Variants in SLC25A19 observed in about 807,000 individuals in gnomAD.
SLC25A19 encodes solute carrier family 25 member 19, also known as mitochondrial thiamine pyrophosphate carrier.
A neutral mutation model predicts 27.9 loss-of-function variants in SLC25A19; 18 were observed. The observed-to-expected ratio is 0.64, with a 90% CI of 0.45 to 0.96. SLC25A19 has a LOEUF of 0.96. SLC25A19 is among the 40% of genes least tolerant of loss of function. The probability of loss-of-function intolerance (pLI) is 0.00; values close to 1 mark genes in which losing one functional copy is unlikely to be tolerated. For missense variants in SLC25A19, 371 were observed against 418.3 expected, an observed-to-expected ratio of 0.89 and a Z score of 0.99; for synonymous variants, 169 against 167.1, an observed-to-expected ratio of 1.01 and a Z score of -0.09.
chr17:75,273,914 C>T (rs889600743), intron 7 of SLC25A19: 2 of 393,690 alleles, frequency 5.1e-6, no homozygotes, highest in East Asian at 6.1e-5. Flanking sequence ...GCACACAACA[C>T]CACGCCTGGC....
At chr17:75,275,864 T>G (rs2077872295) in intron 7 of SLC25A19, among the ~76,000 whole-genome samples, 1 of 151,688 alleles carries the variant, frequency 6.6e-6, no homozygotes. Flanking sequence ...CCCAGCTGCT[T>G]GGAGGCCAAG....
intron 7 of SLC25A19, 102 bp downstream of exon 7, chr17:75,277,251 C>T (rs2077913014): frequency 1.3e-6 from 2 of 1,493,576 alleles, no homozygotes; most frequent in Non-Finnish European, 1.8e-6. Context: ...GGGCCATGGC[C>T]AGGGGTGATG....
At chr17:75,278,673 A>G (rs970131209) in intron 5 of SLC25A19, among the ~76,000 whole-genome samples, 2 of 152,128 alleles carry the variant, frequency 1.3e-5, no homozygotes, top group African/African-American at 4.8e-5. Flanking sequence ...ACGAGAGAAT[A>G]GTGCAGCTGT....
intron 7 of SLC25A19, 35 bp downstream of exon 7, chr17:75,277,318 G>A (rs760025667): frequency 1.2e-6 from 2 of 1,609,874 alleles, no homozygotes; most frequent in South Asian, 2.2e-5. Flanking sequence ...TGATGGCAAG[G>A]GTCAGAGCTG....
At chr17:75,288,249 TC>T (rs923434575) in intron 2 of SLC25A19, 1 of 152,160 alleles carries the variant, frequency 6.6e-6, no homozygotes, top group East Asian at 1.9e-4. Context: ...CTCTTCCCCT[TC>T]CCTCATTTAA....
intron 4 of SLC25A19, among the ~76,000 whole-genome samples, chr17:75,284,671 GTCTC>G (rs1203642778): frequency 7.5e-6 from 1 of 133,742 alleles, no homozygotes; most frequent in Non-Finnish European, 1.6e-5. Context: ...GGACAAGAGT[GTCTC>G]TCTGTCACCC....
chr17:75,285,912 G>A (rs1380170139), intron 4 of SLC25A19, among the ~76,000 whole-genome samples: 3 of 152,242 alleles, frequency 2.0e-5, no homozygotes, highest in Non-Finnish European at 4.4e-5. Flanking sequence ...GCCTCGGACA[G>A]CTGACTTCTC....
In SLC25A19 at chr17:75,286,218, C is replaced by T. The variant is rs2306218; in HGVS notation, c.288+86G>A. ...CCTGCCTCTTCCGTCCTGCCCTGCG[C>T]GGCATTCCTGCTTGCCTCACCCTCC... On this transcript the variant is annotated intron_variant, in intron 4 of 7. Transcript: ENST00000416858. 0.69 allele frequency: 1,057,387 copies of T among 1,537,376 alleles called. 377,411 individuals carry two copies. Among genetic ancestry groups the T allele is most frequent in the East Asian group, 0.9 (40,232 of 44,544 alleles).
Position 75,278,366 on chromosome 17 carries a change from C to G in SLC25A19, c.460-31G>C, listed in dbSNP as rs199625492. Reference sequence around the variant, plus strand: ...CACACACACGCACTTTGAATGAGCTCAGTGAAGTGGTTTTAGCCCTGGAAC... The same window carrying G: ...CACACACACGCACTTTGAATGAGCTGAGTGAAGTGGTTTTAGCCCTGGAAC... On this transcript the variant is annotated intron_variant, in intron 5 of 7. Transcript: ENST00000416858. 3.8e-4 allele frequency: 606 copies of G among 1,613,492 alleles called. 2 individuals are homozygous for G. In the African/African-American group the frequency reaches 6.3e-3, roughly 17 times the overall value.
chr17:75,283,518 A>C lies in SLC25A19; in HGVS notation c.364T>G (p.Phe122Val). ...CAGGCAGCCAGGCCACCACATACAA[A>C]GTGCACTGAGAATTCCCGGGCGTCA... ...VYDAREFSVH[F>V]VCGGLAACMA... is the part of the protein sequence containing the mutation. The change falls in exon 5 of 8, where the codon TTT (phenylalanine) becomes GTT (valine). Residue 122 changes from phenylalanine to valine, a missense_variant. Coordinates refer to ENST00000416858, the MANE Select transcript of SLC25A19 (RefSeq NM_001126121.2). 1 of 1,613,764 alleles carries C rather than the reference A, an allele frequency of 6.2e-7. No homozygotes were observed. The highest frequency in any genetic ancestry group is 8.5e-7 in the Non-Finnish European group (1 of 1,179,902).
At chr17:75,275,156 T>C (rs1385519658) in intron 7 of SLC25A19, among the ~76,000 whole-genome samples, 1 of 151,704 alleles carries the variant, frequency 6.6e-6, no homozygotes, top group Admixed American at 6.6e-5. Flanking sequence ...GCCCAGCTAA[T>C]TTTTTAATTT....
At chr17:75,285,140 T>C (rs1385105999) in intron 4 of SLC25A19, among the ~76,000 whole-genome samples, 1 of 152,194 alleles carries the variant, frequency 6.6e-6, no homozygotes, top group Non-Finnish European at 1.5e-5. Flanking sequence ...CTCCCTAATG[T>C]TGCCCAGGCT....
In SLC25A19 at chr17:75,273,081, T is replaced by G. The variant is rs751644411; in HGVS notation, c.*370A>C. On this transcript the variant is annotated 3_prime_UTR_variant, in exon 8 of 8. Coordinates refer to ENST00000416858, the MANE Select transcript of SLC25A19 (RefSeq NM_001126121.2). ...TCCTGCAAAGGGCCTACCGCAGCCC[T>G]CTGCACTCAAGCAGCAGCCCCATCC... The G allele has an allele frequency of 2.3e-5, 8 of 353,864 alleles. No individual in the cohort carries two copies. Among genetic ancestry groups the G allele is most frequent in the African/African-American group, 8.4e-5 (4 of 47,380 alleles). 21.9% of individuals were successfully genotyped at this position (353,864 alleles called of 1,614,324 possible).
chr17:75,284,436 T>A (rs1449101439), intron 4 of SLC25A19, among the ~76,000 whole-genome samples: 1 of 152,064 alleles, frequency 6.6e-6, no homozygotes, highest in Non-Finnish European at 1.5e-5. Context: ...GAGAACAATG[T>A]ATATCAGAAA....
At chr17:75,279,543 TGTTGCCTAGGCTGGA>T (rs1567837707) in intron 5 of SLC25A19, among the ~76,000 whole-genome samples, 8 of 149,120 alleles carry the variant, frequency 5.4e-5, no homozygotes, top group African/African-American at 2.0e-4. Flanking sequence ...AGTCTTGCTA[TGTTGCCTAGGCTGGA>T]GTTGCCTAGG....
rs1567836761 is a variant in SLC25A19, at chr17:75,278,343, C to T, written c.460-8G>A. 1.9e-6 allele frequency: 3 copies of T among 1,614,038 alleles called. No individual in the cohort carries two copies. Among genetic ancestry groups the T allele is most frequent in the Non-Finnish European group, 2.5e-6 (3 of 1,179,972 alleles). On this transcript the variant is annotated splice_polypyrimidine_tract_variant and splice_region_variant and intron_variant, in intron 5 of 7. Coordinates refer to ENST00000416858, the MANE Select transcript of SLC25A19 (RefSeq NM_001126121.2). The stretch of plus-strand genomic sequence containing the variant: ...GCGCAGCGTATTATAGACCTGGACA[C>T]ACACACGCACTTTGAATGAGCTCAG...
intron 7 of SLC25A19, chr17:75,274,045 G>T: frequency 3.4e-6 from 1 of 290,470 alleles, no homozygotes; most frequent in Non-Finnish European, 6.7e-6. Context: ...TACAGGCATG[G>T]ACAACCATGC....
chr17:75,286,419 T>A lies in SLC25A19; in HGVS notation c.173A>T (p.Lys58Met). 1 of 1,614,128 alleles carries A rather than the reference T, an allele frequency of 6.2e-7. No individual in the cohort carries two copies. The highest frequency in any genetic ancestry group is 8.5e-7 in the Non-Finnish European group (1 of 1,180,024). ...ERLSRSDPSA[K>M]YHGILQASRQ... ...AGAGGCCTGGAGGATGCCATGGTAC[T>A]TTGCGCTGGGGTCACTGCGAGACAG... Residue 58 changes from lysine to methionine, a missense_variant, in exon 4 of 8, where the codon AAG becomes ATG. Coordinates refer to ENST00000416858, the MANE Select transcript of SLC25A19 (RefSeq NM_001126121.2).
chr17:75,286,630 T>TA lies in SLC25A19; in HGVS notation c.132+2dup, dbSNP rs763884502. The TA allele has an allele frequency of 3.7e-6, 6 of 1,613,564 alleles. No individual in the cohort carries two copies. Among genetic ancestry groups the TA allele is most frequent in the Non-Finnish European group, 4.2e-6 (5 of 1,179,940 alleles). On this transcript the variant is annotated splice_region_variant and intron_variant, in intron 3 of 7. Transcript: ENST00000416858. ...CCATTGCATGGAAAAAGGGGAAGAGTACCTGGAAACGGATCTTGATGACGT... is the reference window on the plus strand; with the variant it reads ...CCATTGCATGGAAAAAGGGGAAGAGTAACCTGGAAACGGATCTTGATGACGT...
Sources: allele counts gnomAD v4.1 joint callset (sites outside exome capture counted in the v4.1 genomes callset), GRCh38; gene constraint gnomAD v4.1.1; transcripts MANE v1.5; gene names NCBI Gene and HGNC (gene_info 2026-07-23, HGNC 2026-07-21).